Variants in TAF3 observed in about 807,000 individuals in gnomAD.
TAF3 encodes TATA-box binding protein associated factor 3.
TAF3 carries 7 observed loss-of-function variants against 80.6 expected under a neutral mutation model. The ratio of observed to expected loss-of-function variants is 0.09; its 90% confidence interval spans 0.05 to 0.16. The LOEUF (loss-of-function observed/expected upper bound fraction) is 0.16, where lower values mean the gene tolerates loss of function less well. Among genes scored for constraint, TAF3 ranks in the 10% least tolerant of loss-of-function variants. The probability of loss-of-function intolerance (pLI) is 1.00; values close to 1 mark genes in which losing one functional copy is unlikely to be tolerated. For missense variants in TAF3, 921 were observed against 1,140.2 expected, an observed-to-expected ratio of 0.81 and a Z score of 2.77; for synonymous variants, 444 against 446.1, an observed-to-expected ratio of 1.00 and a Z score of 0.06.
At position 7,833,899 on chromosome 10, in the gene TAF3, G is replaced by A. The variant is rs76671212; in HGVS notation, c.409+9339G>A. ...AGTTTGGAGCGGTACCCCTTCAGCC[G>A]CTGCACAGTGCGTGTGGAAGTGGGG... On this transcript the variant is annotated intron_variant, in intron 2 of 6. Transcript: ENST00000344293. 8.2e-4 allele frequency: 628 copies of A among 764,870 alleles called. 3 individuals carry two copies. In the African/African-American group the frequency reaches 0.011, roughly 13 times the overall value. 47.4% of individuals were successfully genotyped at this position (764,870 alleles called of 1,614,324 possible). A position where few individuals can be genotyped will look rare whatever the true frequency, so the allele number is the denominator to read the frequency against.
intron 2 of TAF3, among the ~76,000 whole-genome samples, chr10:7,962,819 C>T (rs1320910539): frequency 6.6e-6 from 1 of 152,244 alleles, no homozygotes; most frequent in Non-Finnish European, 1.5e-5. Flanking sequence ...CTGCACTAAA[C>T]TGTGAGCTCT....
At chr10:7,841,674 G>T (rs1020398187) in intron 2 of TAF3, among the ~76,000 whole-genome samples, 1 of 152,156 alleles carries the variant, frequency 6.6e-6, no homozygotes, top group East Asian at 1.9e-4. Context: ...CCAAATTTGG[G>T]AGATATTGGA....
intron 2 of TAF3, 83 bp from the exon 3 acceptor site, chr10:7,963,837 A>G (rs2131411994): frequency 1.6e-6 from 2 of 1,285,184 alleles, no homozygotes; most frequent in Non-Finnish European, 1.0e-6. Flanking sequence ...AAGAAATCAT[A>G]TTTGAAGCAT....
chr10:7,870,984 A>G (rs1196466836), intron 2 of TAF3, among the ~76,000 whole-genome samples: 1 of 152,210 alleles, frequency 6.6e-6, no homozygotes, highest in Non-Finnish European at 1.5e-5. Flanking sequence ...GATTGTATGT[A>G]TCTGTGATAG....
intron 2 of TAF3, among the ~76,000 whole-genome samples, chr10:7,897,439 G>A (rs1837515189): frequency 6.6e-6 from 1 of 152,166 alleles, no homozygotes; most frequent in Non-Finnish European, 1.5e-5. Flanking sequence ...TATACTGTCA[G>A]AGTTTTCTCT....
intron 2 of TAF3, among the ~76,000 whole-genome samples, chr10:7,859,064 C>T (rs1450631185): frequency 6.6e-6 from 1 of 151,974 alleles, no homozygotes; most frequent in African/African-American, 2.4e-5. Context: ...AGATCGAGAC[C>T]ATCCTGGCTA....
At chr10:7,830,034 C>G (rs1033144930) in intron 2 of TAF3, among the ~76,000 whole-genome samples, 7 of 152,144 alleles carry the variant, frequency 4.6e-5, no homozygotes, top group African/African-American at 1.4e-4. Flanking sequence ...CTCTTCACTT[C>G]CCTTCCTCCC....
At chr10:7,993,103 C>T (rs916096489) in intron 4 of TAF3, among the ~76,000 whole-genome samples, 1 of 152,178 alleles carries the variant, frequency 6.6e-6, no homozygotes. Flanking sequence ...TAACCAGGAT[C>T]CAAACCAGAC....
At chr10:7,844,847 G>T (rs1836953891) in intron 2 of TAF3, among the ~76,000 whole-genome samples, 1 of 151,492 alleles carries the variant, frequency 6.6e-6, no homozygotes, top group African/African-American at 2.4e-5. Context: ...TGTATTTTTT[G>T]TATTTCCTAT....
intron 2 of TAF3, among the ~76,000 whole-genome samples, chr10:7,863,514 G>A (rs1564350721): frequency 6.7e-6 from 1 of 148,590 alleles, no homozygotes; most frequent in Non-Finnish European, 1.5e-5. Flanking sequence ...GGAGGCTAAG[G>A]AAGGAGAATA....
chr10:7,831,787 G>A (rs533151322), intron 2 of TAF3, among the ~76,000 whole-genome samples: 161 of 152,244 alleles, frequency 1.1e-3, no homozygotes, highest in African/African-American at 3.7e-3. Context: ...ATATCAAAAT[G>A]TTCTAGACTC....
In TAF3 at chr10:7,832,986, A is replaced by G. The variant is rs577731658; in HGVS notation, c.409+8426A>G. Among the ~76,000 whole-genome samples, 4 of 152,340 alleles carry G rather than the reference A, an allele frequency of 2.6e-5. No homozygotes were observed. The South Asian group carries it at 6.2e-4, about 24-fold the overall frequency. On this transcript the variant is annotated intron_variant, in intron 2 of 6. Transcript: ENST00000344293. ...TGAGGCAGGAGGATGATTTGAGGCCAGGAGTTCGAGATAAAATGTTCAATA... is the reference window on the plus strand; with the variant it reads ...TGAGGCAGGAGGATGATTTGAGGCCGGGAGTTCGAGATAAAATGTTCAATA...
chr10:8,011,027 G>A (rs570695411), intron 5 of TAF3, among the ~76,000 whole-genome samples: 7 of 152,204 alleles, frequency 4.6e-5, no homozygotes, highest in South Asian at 2.1e-4. Context: ...TACAGATTAC[G>A]TTCTTTGGAT....
In TAF3 at chr10:8,014,975, A is replaced by ATAC; in HGVS notation, c.*224_*225insTAC. The ATAC allele has an allele frequency of 4.8e-6, 2 of 415,960 alleles. No individual in the cohort carries two copies. Among genetic ancestry groups the ATAC allele is most frequent in the Non-Finnish European group, 8.8e-6 (2 of 227,434 alleles). The allele number at this position is 415,960 out of a possible 1,614,324, so 25.8% of individuals were successfully genotyped here. A position where few individuals can be genotyped will look rare whatever the true frequency, so the allele number is the denominator to read the frequency against. ...GTGCGACAGAAGGAAACTCAAGCAG[A>ATAC]GGCGTGGCCTGGGGGCTGCCCCTCC... On this transcript the variant is annotated 3_prime_UTR_variant, in exon 7 of 7. Transcript: ENST00000344293.
At chr10:7,873,959 G>A (rs182809773) in intron 2 of TAF3, among the ~76,000 whole-genome samples, 10 of 152,264 alleles carry the variant, frequency 6.6e-5, no homozygotes, top group East Asian at 1.9e-4. Context: ...CCCTCGAGAG[G>A]CCATTGCAGG....
At chr10:7,952,060 C>A (rs1351752374) in intron 2 of TAF3, among the ~76,000 whole-genome samples, 1 of 152,134 alleles carries the variant, frequency 6.6e-6, no homozygotes, top group Non-Finnish European at 1.5e-5. Context: ...CATAGTCTTA[C>A]TATTTTAAGT....
intron 4 of TAF3, among the ~76,000 whole-genome samples, chr10:7,984,060 T>G (rs1564377275): frequency 6.6e-6 from 1 of 152,114 alleles, no homozygotes; most frequent in African/African-American, 2.4e-5. Flanking sequence ...ACAAAGGTTG[T>G]GAGTTTGATA....
At chr10:7,842,806 TGTC>T (rs146808674) in intron 2 of TAF3, among the ~76,000 whole-genome samples, 4,277 of 152,318 alleles carry the variant, frequency 0.028, 84 homozygotes, top group South Asian at 0.084. Flanking sequence ...TAGATATAAA[TGTC>T]GTATATTTTT....
At chr10:7,889,894 T>C (rs751546398) in intron 2 of TAF3, among the ~76,000 whole-genome samples, 19 of 152,178 alleles carry the variant, frequency 1.2e-4, no homozygotes, top group Non-Finnish European at 2.5e-4. Context: ...CAGGTCCTGT[T>C]CTCATTTGGA....
Sources: allele counts gnomAD v4.1 joint callset (sites outside exome capture counted in the v4.1 genomes callset), GRCh38; gene constraint gnomAD v4.1.1; transcripts MANE v1.5; gene names NCBI Gene and HGNC (gene_info 2026-07-23, HGNC 2026-07-21).